CHCHD2: variants seen among roughly 807,000 people sequenced by gnomAD.
CHCHD2 encodes coiled-coil-helix-coiled-coil-helix domain containing 2, also known as coiled-coil-helix-coiled-coil-helix domain-containing protein 2.
Under a neutral mutation model 17.5 loss-of-function variants are expected in CHCHD2, and 17 were observed. That is an observed-to-expected ratio of 0.97 (90% CI 0.67 to 1.46). The LOEUF (loss-of-function observed/expected upper bound fraction) is 1.46, where lower values mean the gene tolerates loss of function less well. CHCHD2 is among the 40% of genes most tolerant of loss of function. The pLI is 0.00. For synonymous variants in CHCHD2, 63 were observed against 74.3 expected (o/e 0.85, Z 0.78); for missense variants, 175 against 199.9 (o/e 0.88, Z 0.75).
intron 2 of CHCHD2, among the ~76,000 whole-genome samples, chr7:56,103,381 G>A (rs1467838911): frequency 1.3e-5 from 2 of 152,308 alleles, no homozygotes; most frequent in Non-Finnish European, 2.9e-5. Flanking sequence ...TCGGGAGGCT[G>A]AGGCAGGAGA....
At position 56,104,417 on chromosome 7, in the gene CHCHD2, C is replaced by A. The variant is rs1434119798; in HGVS notation, c.109G>T (p.Ala37Ser). Residue 37 changes from alanine to serine, a missense_variant, in exon 2 of 4, where the codon GCG becomes TCG. By Grantham distance (99) the Ala-to-Ser change is moderately conservative (BLOSUM62 1). Coordinates refer to ENST00000395422, the MANE Select transcript of CHCHD2 (RefSeq NM_016139.4). ...GAGCCAACTGCAGATGGGGGTGCCG[C>A]TGCTGGTGGCTGAGCGACTGGTGCT... The part of the protein sequence containing the change: ...RPAPVAQPPA[A>S]APPSAVGSSA... 2 of 1,610,236 alleles carry A rather than the reference C, an allele frequency of 1.2e-6. No homozygotes were observed. Among genetic ancestry groups the A allele is most frequent in the Non-Finnish European group, 1.7e-6 (2 of 1,178,748 alleles).
intron 3 of CHCHD2, 74 bp downstream of exon 3, chr7:56,102,793 G>C: frequency 6.7e-7 from 1 of 1,498,108 alleles, no homozygotes; most frequent in Non-Finnish European, 9.3e-7. Flanking sequence ...ATTAAACACA[G>C]ATTACCCTAA....
chr7:56,104,192 A>C (rs771111206), intron 2 of CHCHD2, 34 bp downstream of exon 2: 1 of 1,605,474 alleles, frequency 6.2e-7, no homozygotes, highest in East Asian at 2.2e-5. Flanking sequence ...CATAAAATCC[A>C]CCCATGGAAG....
intron 2 of CHCHD2, among the ~76,000 whole-genome samples, chr7:56,103,454 G>A (rs1238315554): frequency 6.6e-6 from 1 of 152,130 alleles, no homozygotes; most frequent in African/African-American, 2.4e-5. Flanking sequence ...CAAAAAAGAA[G>A]AATTTAAATA....
rs144022352 is a variant in CHCHD2 at position 56,105,997 on chromosome 7, A to G, written c.50+367T>C. 2.7e-3 allele frequency among the ~76,000 whole-genome samples: 409 copies of G among 152,286 alleles called. 1 individual carries two copies. The highest frequency in any genetic ancestry group is 4.8e-3 in the Non-Finnish European group (325 of 68,014). ...GAGACCCCTTCTCAAATAACAAAAG[A>G]CTAATTATGTCCTGCACGTATTTAA... is the stretch of plus-strand genomic sequence containing the variant. On this transcript the variant is annotated intron_variant, in intron 1 of 3. Transcript: ENST00000395422.
chr7:56,102,850 T>A lies in CHCHD2; in HGVS notation c.445+17A>T. ...CCACTGTGAATTAAGCAGATGTAAA[T>A]TGGACAAATTACCTACCGTTTGCAA... On this transcript the variant is annotated intron_variant, in intron 3 of 3. Transcript: ENST00000395422. 2.5e-6 allele frequency: 4 copies of A among 1,613,754 alleles called. No homozygotes were observed. Among genetic ancestry groups the A allele is most frequent in the Non-Finnish European group, 3.4e-6 (4 of 1,179,694 alleles).
At position 56,102,857 on chromosome 7, in the gene CHCHD2, A is replaced by C; in HGVS notation, c.445+10T>G. The stretch of plus-strand genomic sequence containing the variant: ...GAATTAAGCAGATGTAAATTGGACA[A>C]ATTACCTACCGTTTGCAAGTCGGCA... On this transcript the variant is annotated intron_variant, in intron 3 of 3. Coordinates refer to ENST00000395422, the MANE Select transcript of CHCHD2 (RefSeq NM_016139.4). The C allele has an allele frequency of 6.2e-7, 1 of 1,613,890 alleles. No homozygotes were observed. The highest frequency in any genetic ancestry group is 1.3e-5 in the African/African-American group (1 of 75,046).
chr7:56,106,049 C>A (rs1223755154), intron 1 of CHCHD2, among the ~76,000 whole-genome samples: 1 of 152,250 alleles, frequency 6.6e-6, no homozygotes, highest in African/African-American at 2.4e-5. Context: ...CACGCTCCCT[C>A]TGACCATTTC....
At chr7:56,101,974 T>G in intron 3 of CHCHD2, 113 bp from the exon 4 acceptor site, 4 of 987,338 alleles carry the variant, frequency 4.1e-6, no homozygotes, top group Non-Finnish European at 6.2e-6. Context: ...GGGTTTTTTG[T>G]TTTTTGTTTT....
In CHCHD2 at chr7:56,102,941, C is replaced by T. The variant is rs762927689; in HGVS notation, c.371G>A (p.Cys124Tyr). The change falls in exon 3 of 4, where the codon TGT (cysteine) becomes TAT (tyrosine). Residue 124 changes from cysteine (C) to tyrosine (Y), a missense_variant. Cys to Tyr is a radical substitution (Grantham distance 194). Transcript: ENST00000395422. Reference sequence around the variant, plus strand: ...CTTGATGTCACCCTGGTTCTGGGCACACTCCAGAAACTGTTTGATCTCATA... The same window carrying T: ...CTTGATGTCACCCTGGTTCTGGGCATACTCCAGAAACTGTTTGATCTCATA... ...CLYEIKQFLECAQNQGDIKLC... is the reference protein window; with the variant it reads ...CLYEIKQFLEYAQNQGDIKLC... 3.7e-6 allele frequency: 6 copies of T among 1,614,046 alleles called. No homozygotes were observed. The highest frequency in any genetic ancestry group is 3.4e-6 in the Non-Finnish European group (4 of 1,179,912).
intron 2 of CHCHD2, 128 bp from the exon 3 acceptor site, chr7:56,103,139 C>A: frequency 1.2e-6 from 1 of 845,706 alleles, no homozygotes; most frequent in Non-Finnish European, 1.9e-6. Context: ...TTAAAGTTTC[C>A]AACTATTAAC....
chr7:56,103,734 G>C lies in CHCHD2; in HGVS notation c.300+492C>G, dbSNP rs1584643972. On this transcript the variant is annotated intron_variant, in intron 2 of 3. Transcript: ENST00000395422. ...GACTAAATGGTTTACTGAAGCTTCA[G>C]GGAGGAAAAATGGTACTATTATAGA... Among the ~76,000 whole-genome samples the C allele has an allele frequency of 2.0e-5, 3 of 152,176 alleles. No individual in the cohort carries two copies. The East Asian group carries it at 5.8e-4, about 29-fold the overall frequency.
At chr7:56,102,713 G>C (rs541097794) in intron 3 of CHCHD2, 154 bp downstream of exon 3, 6 of 754,136 alleles carry the variant, frequency 8.0e-6, no homozygotes, top group Non-Finnish European at 1.3e-5. Context: ...TCATAAAAAT[G>C]ACTAGAAACC....
intron 2 of CHCHD2, among the ~76,000 whole-genome samples, chr7:56,103,511 C>A (rs1785323937): frequency 6.6e-6 from 1 of 152,178 alleles, no homozygotes; most frequent in Non-Finnish European, 1.5e-5. Flanking sequence ...CCAGCCTGGT[C>A]TCAAACTTCT....
rs571760704 is a variant in CHCHD2, at chr7:56,105,541, G to A, written c.50+823C>T. 3.2e-3 allele frequency among the ~76,000 whole-genome samples: 482 copies of A among 152,318 alleles called. 7 individuals are homozygous for A. The highest frequency in any genetic ancestry group is 0.011 in the African/African-American group (457 of 41,562). On this transcript the variant is annotated intron_variant, in intron 1 of 3. Transcript: ENST00000395422. ...CTGTAATCCCAGTGATTAGGGAAGT[G>A]GAGGCGAAAGGATCATTTGAGGCCA...
At chr7:56,104,710 C>G (rs1449610415) in intron 1 of CHCHD2, among the ~76,000 whole-genome samples, 2 of 151,902 alleles carry the variant, frequency 1.3e-5, no homozygotes, top group Admixed American at 1.3e-4. Context: ...CAGACTCAAG[C>G]GATTCTCTTG....
At position 56,101,778 on chromosome 7, in the gene CHCHD2, C is replaced by G. The variant is rs1562887551; in HGVS notation, c.*73G>C. 13 of 1,371,902 alleles carry G rather than the reference C, an allele frequency of 9.5e-6. No individual in the cohort carries two copies. The highest frequency in any genetic ancestry group is 2.3e-4 in the Middle Eastern group (1 of 4,390). 85.0% of individuals were successfully genotyped at this position (1,371,902 alleles called of 1,614,324 possible). On this transcript the variant is annotated 3_prime_UTR_variant, in exon 4 of 4. Coordinates refer to ENST00000395422, the MANE Select transcript of CHCHD2 (RefSeq NM_016139.4). Reference sequence around the variant, plus strand: ...TGGTTACACTTTATACCCTCACTATCAATTCTATTTTTATACTAAATTAAC... The same window carrying G: ...TGGTTACACTTTATACCCTCACTATGAATTCTATTTTTATACTAAATTAAC...
intron 2 of CHCHD2, among the ~76,000 whole-genome samples, chr7:56,103,935 AG>A (rs1785333476): frequency 6.6e-6 from 1 of 152,368 alleles, no homozygotes; most frequent in South Asian, 2.1e-4. Context: ...CAAGATTAGT[AG>A]GAAGTGTCAC....
At position 56,104,602 on chromosome 7, in the gene CHCHD2, C is replaced by T. The variant is rs188676045; in HGVS notation, c.51-127G>A. 480 of 1,151,232 alleles carry T rather than the reference C, an allele frequency of 4.2e-4. 1 individual carries two copies. In the East Asian group the frequency reaches 0.012, roughly 29 times the overall value. 71.3% of individuals were successfully genotyped at this position (1,151,232 alleles called of 1,614,324 possible). Reference sequence around the variant, plus strand: ...CATTTCAAATTATTTACATCATTTTCTCTCTTCAATTTTTTTTTTTTTGAG... The same window carrying T: ...CATTTCAAATTATTTACATCATTTTTTCTCTTCAATTTTTTTTTTTTTGAG... On this transcript the variant is annotated intron_variant, in intron 1 of 3. Transcript: ENST00000395422.
Sources: gnomAD v4.1 joint callset for allele counts (sites outside exome capture counted in the v4.1 genomes callset) on GRCh38, gnomAD v4.1.1 for gene constraint, MANE v1.5 for transcripts, NCBI Gene and HGNC (gene_info 2026-07-23, HGNC 2026-07-21) for gene names.